Variants in FER observed in about 807,000 individuals in gnomAD.
FER encodes the protein FER tyrosine kinase.
In FER, 63 loss-of-function variants were observed where a neutral mutation model predicts 111.0. The observed-to-expected ratio is 0.57, with a 90% CI of 0.46 to 0.70. The LOEUF (loss-of-function observed/expected upper bound fraction) is 0.70, where lower values mean the gene tolerates loss of function less well. FER is among the 30% of genes least tolerant of loss of function. The pLI, the probability that FER is intolerant of heterozygous loss-of-function variation, is 0.00. For synonymous variants in FER, 327 were observed against 313.9 expected (o/e 1.04, Z -0.44); for missense variants, 914 against 954.0 (o/e 0.96, Z 0.55).
chr5:109,029,212 T>G (rs150741046), intron 13 of FER, among the ~76,000 whole-genome samples: 50 of 150,196 alleles, frequency 3.3e-4, no homozygotes, highest in African/African-American at 1.1e-3. Context: ...TACGTCCTTT[T>G]AGGCTTTCTT....
intron 6 of FER, among the ~76,000 whole-genome samples, chr5:108,868,744 A>G (rs1254342418): frequency 6.6e-6 from 1 of 152,136 alleles, no homozygotes; most frequent in Non-Finnish European, 1.5e-5. Context: ...TAAAATTCAA[A>G]AAAAGTAGTG....
At chr5:108,828,357 G>T (rs1278468839) in intron 3 of FER, among the ~76,000 whole-genome samples, 1 of 152,112 alleles carries the variant, frequency 6.6e-6, no homozygotes, top group African/African-American at 2.4e-5. Flanking sequence ...TATACTTCTT[G>T]ATACACAAAC....
At chr5:109,020,443 A>T (rs946119964) in intron 13 of FER, among the ~76,000 whole-genome samples, 1 of 151,970 alleles carries the variant, frequency 6.6e-6, no homozygotes, top group African/African-American at 2.4e-5. Flanking sequence ...AACAAATAAC[A>T]TCCTTTTCAT....
intron 13 of FER, among the ~76,000 whole-genome samples, chr5:108,982,700 A>C (rs1003598706): frequency 2.0e-5 from 3 of 152,180 alleles, no homozygotes; most frequent in African/African-American, 2.4e-5. Context: ...TCTTAAACCT[A>C]TGTTTGGTCT....
rs575769530 is a variant in FER at position 109,155,817 on chromosome 5, A to G, written c.2049-24930A>G. Among the ~76,000 whole-genome samples the G allele has an allele frequency of 9.9e-5, 15 of 152,064 alleles. No homozygotes were observed. In the South Asian group the frequency reaches 1.5e-3, roughly 15 times the overall value. ...AACTCAAAAACATTTCTTTCTCTTC[A>G]TTTCCTGAGAGAGCCTATACACTGG... On this transcript the variant is annotated intron_variant, in intron 17 of 19. Coordinates refer to ENST00000281092, the MANE Select transcript of FER (RefSeq NM_005246.4).
intron 2 of FER, among the ~76,000 whole-genome samples, chr5:108,788,259 C>T (rs1024872829): frequency 6.6e-6 from 1 of 152,204 alleles, no homozygotes; most frequent in Non-Finnish European, 1.5e-5. Context: ...TGGTGCCTGC[C>T]TGGAGCTGCC....
intron 10 of FER, among the ~76,000 whole-genome samples, chr5:108,904,458 C>CAAAA (rs1750468640): frequency 6.6e-6 from 1 of 151,876 alleles, no homozygotes; most frequent in Admixed American, 6.6e-5. Flanking sequence ...AAGGAGGAAC[C>CAAAA]AAAAGGAAGC....
chr5:108,947,715 G>C (rs1364942590), intron 11 of FER, among the ~76,000 whole-genome samples: 1 of 150,448 alleles, frequency 6.6e-6, no homozygotes, highest in Non-Finnish European at 1.5e-5. Flanking sequence ...TTCCTTGACT[G>C]TGTGTGCTTT....
At chr5:108,851,351 G>T (rs1009555492) in intron 5 of FER, among the ~76,000 whole-genome samples, 1 of 152,082 alleles carries the variant, frequency 6.6e-6, no homozygotes, top group Non-Finnish European at 1.5e-5. Flanking sequence ...ACTTATTCAC[G>T]TGAGATTTAT....
intron 10 of FER, among the ~76,000 whole-genome samples, chr5:108,915,364 C>T (rs991138839): frequency 2.6e-4 from 40 of 151,954 alleles, no homozygotes; most frequent in Non-Finnish European, 1.0e-4. Context: ...CCCAGCTACT[C>T]GAGAGGCTGA....
chr5:109,037,935 C>A (rs944959704), intron 14 of FER, among the ~76,000 whole-genome samples: 4 of 151,790 alleles, frequency 2.6e-5, no homozygotes, highest in African/African-American at 9.7e-5. Context: ...TATGTAACAA[C>A]ACTGGGCATA....
intron 5 of FER, 85 bp from the exon 6 acceptor site, chr5:108,867,681 CA>C: frequency 8.0e-7 from 1 of 1,250,008 alleles, no homozygotes; most frequent in Non-Finnish European, 1.1e-6. Context: ...TAACATAAAA[CA>C]GTAGTAATTC....
intron 17 of FER, among the ~76,000 whole-genome samples, chr5:109,127,035 G>A (rs574421105): frequency 1.2e-4 from 18 of 152,228 alleles, no homozygotes; most frequent in Non-Finnish European, 2.2e-4. Context: ...ATGAAATCAC[G>A]TATTTCCAAT....
intron 11 of FER, among the ~76,000 whole-genome samples, chr5:108,948,565 G>A (rs1757316448): frequency 6.6e-6 from 1 of 152,026 alleles, no homozygotes; most frequent in Non-Finnish European, 1.5e-5. Context: ...TGCTTCTGAA[G>A]CCAAGGCCTA....
intron 17 of FER, among the ~76,000 whole-genome samples, chr5:109,138,992 C>G (rs1753209259): frequency 6.6e-6 from 1 of 152,078 alleles, no homozygotes; most frequent in Non-Finnish European, 1.5e-5. Context: ...ACATAGGGCA[C>G]AGGGTTAAGA....
intron 2 of FER, among the ~76,000 whole-genome samples, chr5:108,775,631 C>A (rs187688598): frequency 6.6e-6 from 1 of 151,964 alleles, no homozygotes; most frequent in South Asian, 2.1e-4. Context: ...GATCATCATG[C>A]GTTAATGTTG....
chr5:109,161,786 C>G (rs2126742953), intron 17 of FER, among the ~76,000 whole-genome samples: 1 of 152,070 alleles, frequency 6.6e-6, no homozygotes, highest in South Asian at 2.1e-4. Flanking sequence ...CAGTGCAACC[C>G]CAATGTGATT....
intron 16 of FER, among the ~76,000 whole-genome samples, chr5:109,060,235 C>T (rs911649009): frequency 2.0e-5 from 3 of 152,074 alleles, no homozygotes; most frequent in Non-Finnish European, 4.4e-5. Flanking sequence ...TGTCAAAACT[C>T]ATTGAATTGT....
intron 13 of FER, among the ~76,000 whole-genome samples, chr5:108,992,765 G>T (rs1271247142): frequency 1.3e-5 from 2 of 149,556 alleles, no homozygotes; most frequent in Non-Finnish European, 1.5e-5. Flanking sequence ...GGGCGGAGGG[G>T]CTCCTCACTT....
Sources: gnomAD v4.1 joint callset for allele counts (sites outside exome capture counted in the v4.1 genomes callset) on GRCh38, gnomAD v4.1.1 for gene constraint, MANE v1.5 for transcripts, NCBI Gene and HGNC (gene_info 2026-07-23, HGNC 2026-07-21) for gene names.